The following GDI2 variants were observed in gnomAD, a reference collection of about 807,000 sequenced individuals.
GDI2 encodes GDP dissociation inhibitor 2, also known as rab GDP dissociation inhibitor beta.
A neutral mutation model predicts 54.2 loss-of-function variants in GDI2; 22 were observed. The observed-to-expected ratio is 0.41, with a 90% confidence interval of 0.29 to 0.58. The LOEUF (loss-of-function observed/expected upper bound fraction) is 0.58, where lower values mean the gene tolerates loss of function less well. Ranked by LOEUF, GDI2 falls within the 20% of genes least tolerant of loss-of-function variation. GDI2 has a pLI of 0.35. For synonymous variants in GDI2, 177 were observed against 182.1 expected, an observed-to-expected ratio of 0.97 and a Z score of 0.23; for missense variants, 422 against 546.0, an observed-to-expected ratio of 0.77 and a Z score of 2.26.
chr10:5,808,870 G>A (rs1044507051), intron 1 of GDI2, among the ~76,000 whole-genome samples: 1 of 152,076 alleles, frequency 6.6e-6, no homozygotes, highest in Middle Eastern at 3.2e-3. Flanking sequence ...TCAATGGCAA[G>A]TATCTTACAG....
At chr10:5,801,153 A>G (rs1475004700) in intron 1 of GDI2, among the ~76,000 whole-genome samples, 1 of 151,818 alleles carries the variant, frequency 6.6e-6, no homozygotes, top group Admixed American at 6.6e-5. Flanking sequence ...GGGTTTCACC[A>G]TGTTGGCCAG....
intron 6 of GDI2, among the ~76,000 whole-genome samples, chr10:5,780,494 C>T (rs548846918): frequency 1.9e-4 from 29 of 150,898 alleles, no homozygotes; most frequent in Non-Finnish European, 3.4e-4. Flanking sequence ...GATGACATGA[C>T]TGTGTAGAAG....
rs371689904 is a variant in GDI2 at position 5,766,024 on chromosome 10, G to A, written c.1320C>T (p.Asp440=). The A allele has an allele frequency of 5.6e-5, 89 of 1,584,988 alleles. No homozygotes were observed. The highest frequency in any genetic ancestry group is 7.4e-5 in the Non-Finnish European group (87 of 1,172,014). The change falls in exon 11 of 11, where the codon GAC becomes GAT. Residue 440 remains aspartate (D), a synonymous_variant. Transcript: ENST00000380191. This position sits in a 1 kb window ranked among gnomAD's most constrained non-coding sequence, Gnocchi z 5.8. ...ACTGCTGTTAGTCTTCCCCATAGAT[G>A]TCATTCTTCTTGCGCTTCATTTCCT... ...DFEEMKRKKN[D]IYGED is the part of the protein sequence containing the mutation.
At position 5,776,349 on chromosome 10, in the gene GDI2, G is replaced by C. The variant is rs1027841454; in HGVS notation, c.720-2408C>G. 3.0e-6 allele frequency: 2 copies of C among 662,034 alleles called. No individual in the cohort carries two copies. The highest frequency in any genetic ancestry group is 3.6e-5 in the African/African-American group (2 of 55,344). 41.0% of individuals were successfully genotyped at this position (662,034 alleles called of 1,614,324 possible). A position where few individuals can be genotyped will look rare whatever the true frequency, so the allele number is the denominator to read the frequency against. ...TCACAAACCCTCTGCTGAGGATGCA[G>C]AGAGCCAGAGCCCCCTTTCTCAGAA... is the stretch of plus-strand genomic sequence containing the variant. On this transcript the variant is annotated intron_variant, in intron 6 of 10. Transcript: ENST00000380191. This position sits in a 1 kb window ranked among gnomAD's most constrained non-coding sequence, Gnocchi z 5.3.
intron 6 of GDI2, among the ~76,000 whole-genome samples, chr10:5,778,807 A>G (rs1170519342): frequency 6.6e-6 from 1 of 152,254 alleles, no homozygotes; most frequent in Non-Finnish European, 1.5e-5. Flanking sequence ...AGGAAAAACT[A>G]AAAGGACCCA....
chr10:5,777,131 A>G (rs532092111), intron 6 of GDI2, among the ~76,000 whole-genome samples: 1 of 152,344 alleles, frequency 6.6e-6, no homozygotes, highest in South Asian at 2.1e-4. Flanking sequence ...GCTACATAGA[A>G]TAATTTTTTC....
intron 4 of GDI2, among the ~76,000 whole-genome samples, chr10:5,792,040 A>C (rs1213977694): frequency 1.3e-5 from 2 of 152,262 alleles, no homozygotes; most frequent in Non-Finnish European, 2.9e-5. Context: ...ATAGCATATT[A>C]TATGAGAAAC....
chr10:5,768,197 G>T lies in GDI2; in HGVS notation c.991+16C>A, dbSNP rs528926287. ...TTACAAAATTCTACCAACATCTGCT[G>T]GTCTTCAAACCTCACCTGACTTTCG... On this transcript the variant is annotated intron_variant, in intron 8 of 10. Coordinates refer to ENST00000380191, the MANE Select transcript of GDI2 (RefSeq NM_001494.4). This position sits in a 1 kb window ranked among gnomAD's most constrained non-coding sequence, Gnocchi z 4.4. 4.1e-5 allele frequency: 65 copies of T among 1,597,692 alleles called. No individual in the cohort carries two copies. In the East Asian group the frequency reaches 1.3e-3, roughly 32 times the overall value.
rs566903186 is a variant in GDI2, at chr10:5,799,218, G to A, written c.153+1380C>T. 9.7e-4 allele frequency among the ~76,000 whole-genome samples: 147 copies of A among 152,036 alleles called. 1 individual carries two copies. Among genetic ancestry groups the A allele is most frequent in the African/African-American group, 3.4e-3 (141 of 41,492 alleles). On this transcript the variant is annotated intron_variant, in intron 2 of 10. Coordinates refer to ENST00000380191, the MANE Select transcript of GDI2 (RefSeq NM_001494.4). The stretch of plus-strand genomic sequence containing the variant: ...GCCAGGCAGGTGGTATGCATCTTTA[G>A]CCCCGCTACTTAGGAGGCTGATACA...
intron 1 of GDI2, among the ~76,000 whole-genome samples, chr10:5,804,118 G>C (rs1841325056): frequency 6.6e-6 from 1 of 151,118 alleles, no homozygotes; most frequent in South Asian, 2.1e-4. Flanking sequence ...ATTGAGATAG[G>C]AGTCTCACCC....
At chr10:5,783,769 CCAA>C (rs1477839329) in intron 6 of GDI2, among the ~76,000 whole-genome samples, 1 of 152,162 alleles carries the variant, frequency 6.6e-6, no homozygotes, top group African/African-American at 2.4e-5. Flanking sequence ...AGATAGGATC[CCAA>C]TCCCTTCTAG....
chr10:5,789,283 G>A lies in GDI2; in HGVS notation c.389-3233C>T, dbSNP rs1241578533. Among the ~76,000 whole-genome samples the A allele has an allele frequency of 2.0e-5, 3 of 151,540 alleles. 1 individual carries two copies. In the East Asian group the frequency reaches 5.8e-4, roughly 29 times the overall value. On this transcript the variant is annotated intron_variant, in intron 4 of 10. Coordinates refer to ENST00000380191, the MANE Select transcript of GDI2 (RefSeq NM_001494.4). Reference sequence around the variant, plus strand: ...GCTAATTTTTCTTCTATTTCTTGTAGATACAGGGGTCTTACTATGTTGCCC... The same window carrying A: ...GCTAATTTTTCTTCTATTTCTTGTAAATACAGGGGTCTTACTATGTTGCCC...
chr10:5,783,956 T>C (rs143832200), intron 6 of GDI2, among the ~76,000 whole-genome samples: 3,519 of 152,330 alleles, frequency 0.023, 54 homozygotes, highest in South Asian at 0.037. Context: ...AGGTGTTCTT[T>C]AAGCTTCTTG....
At chr10:5,778,727 T>TG (rs1406351760) in intron 6 of GDI2, among the ~76,000 whole-genome samples, 1 of 152,202 alleles carries the variant, frequency 6.6e-6, no homozygotes, top group Non-Finnish European at 1.5e-5. Context: ...GTGGAAGTAA[T>TG]GCTAGTTGGC....
chr10:5,798,628 C>T (rs939942928), intron 2 of GDI2, among the ~76,000 whole-genome samples: 1 of 150,742 alleles, frequency 6.6e-6, no homozygotes, highest in Non-Finnish European at 1.5e-5. Context: ...TCCCTCAATA[C>T]ATCTGGGGAG....
At chr10:5,773,433 A>G (rs1264064557) in intron 7 of GDI2, among the ~76,000 whole-genome samples, 1 of 152,166 alleles carries the variant, frequency 6.6e-6, no homozygotes, top group East Asian at 1.9e-4. Flanking sequence ...GCCTTCTCAG[A>G]CCTACTGATT....
At position 5,788,176 on chromosome 10, in the gene GDI2, G is replaced by A. The variant is rs555060613; in HGVS notation, c.389-2126C>T. Reference sequence around the variant, plus strand: ...AATTGAAAAAGTTCAAATCAATAACGTGTTTCCTACTGTGTTTTTTTTTTT... The same window carrying A: ...AATTGAAAAAGTTCAAATCAATAACATGTTTCCTACTGTGTTTTTTTTTTT... On this transcript the variant is annotated intron_variant, in intron 4 of 10. Transcript: ENST00000380191. Among the ~76,000 whole-genome samples, 7 of 150,780 alleles carry A rather than the reference G, an allele frequency of 4.6e-5. No individual in the cohort carries two copies. The South Asian group carries it at 6.3e-4, about 14-fold the overall frequency.
At chr10:5,795,537 A>G (rs946849405) in intron 3 of GDI2, among the ~76,000 whole-genome samples, 12 of 152,180 alleles carry the variant, frequency 7.9e-5, no homozygotes, top group Non-Finnish European at 1.3e-4. Flanking sequence ...GGTTGAATAC[A>G]TAGGTTTTTT....
At chr10:5,779,239 C>G (rs72772365) in intron 6 of GDI2, among the ~76,000 whole-genome samples, 5 of 152,120 alleles carry the variant, frequency 3.3e-5, no homozygotes, top group Non-Finnish European at 7.4e-5. Context: ...AGGCCGGGAA[C>G]GGTGACTCAT....
Sources: allele counts gnomAD v4.1 joint callset (sites outside exome capture counted in the v4.1 genomes callset), GRCh38; gene constraint gnomAD v4.1.1; non-coding constraint Gnocchi (gnomAD v3.1); transcripts MANE v1.5; gene names NCBI Gene and HGNC (gene_info 2026-07-23, HGNC 2026-07-21).